The following KAZN variants were observed in gnomAD, a reference collection of about 807,000 sequenced individuals.
KAZN encodes the protein kazrin.
KAZN carries 40 observed loss-of-function variants against 87.4 expected under a neutral mutation model. The ratio of observed to expected loss-of-function variants is 0.46; its 90% CI spans 0.36 to 0.60. KAZN has a LOEUF of 0.60. Among genes scored for constraint, KAZN ranks in the 20% least tolerant of loss-of-function variants. The pLI is 0.00. For synonymous variants in KAZN, 466 were observed against 458.3 expected (o/e 1.02, Z -0.22); for missense variants, 898 against 1,073.9 (o/e 0.84, Z 2.29).
chr1:14,013,619 G>A (rs1007382311), intron 1 of KAZN, among the ~76,000 whole-genome samples: 2 of 152,160 alleles, frequency 1.3e-5, no homozygotes, highest in Non-Finnish European at 2.9e-5. Flanking sequence ...GGGTTCGATG[G>A]AAAATAACCT....
At chr1:14,595,201 T>C (rs1676416620), upstream of KAZN, among the ~76,000 whole-genome samples, 1 of 152,076 alleles carries the variant, frequency 6.6e-6, no homozygotes, top group African/African-American at 2.4e-5. Context: ...CTTTGTAGTC[T>C]TTCAGTTACC....
intron 1 of KAZN, among the ~76,000 whole-genome samples, chr1:14,715,940 G>A (rs1408514269): frequency 6.6e-6 from 1 of 152,184 alleles, no homozygotes; most frequent in Non-Finnish European, 1.5e-5. Context: ...GTGTTTCTAA[G>A]GATGGGGGTG....
chr1:14,203,519 AG>A (rs1469007361), intron 2 of KAZN, among the ~76,000 whole-genome samples: 2 of 152,218 alleles, frequency 1.3e-5, no homozygotes, highest in Non-Finnish European at 2.9e-5. Flanking sequence ...TATGTTTGAA[AG>A]TTTAAGAAAT....
chr1:14,384,788 G>A (rs947082510), intron 2 of KAZN, among the ~76,000 whole-genome samples: 8 of 151,636 alleles, frequency 5.3e-5, no homozygotes, highest in African/African-American at 1.7e-4. Flanking sequence ...TTTTTTGGTT[G>A]TGTCTCTGCC....
chr1:14,815,753 G>T (rs563981073), intron 1 of KAZN, among the ~76,000 whole-genome samples: 1 of 152,242 alleles, frequency 6.6e-6, no homozygotes, highest in East Asian at 1.9e-4. Flanking sequence ...GCCACCCAGG[G>T]CCACTGAATT....
chr1:14,844,975 A>AGATG (rs1209996849), intron 1 of KAZN, among the ~76,000 whole-genome samples: 2 of 149,694 alleles, frequency 1.3e-5, no homozygotes, highest in African/African-American at 2.5e-5. Flanking sequence ...ATGGATGGGT[A>AGATG]GATGGATGGA....
At chr1:14,342,850 T>A (rs1375600138) in intron 2 of KAZN, among the ~76,000 whole-genome samples, 1 of 152,106 alleles carries the variant, frequency 6.6e-6, no homozygotes, top group Non-Finnish European at 1.5e-5. Flanking sequence ...ATTAAACTCT[T>A]GTATGTAGTG....
chr1:14,997,665 T>C (rs1168606539), intron 2 of KAZN, among the ~76,000 whole-genome samples: 1 of 152,172 alleles, frequency 6.6e-6, no homozygotes, highest in African/African-American at 2.4e-5. Context: ...AGTAAATCCA[T>C]GCGGAAAGCC....
chr1:14,205,969 T>C (rs1436198508), intron 2 of KAZN, among the ~76,000 whole-genome samples: 1 of 145,074 alleles, frequency 6.9e-6, no homozygotes, highest in East Asian at 2.1e-4. Flanking sequence ...CATGTATACA[T>C]ATGTAAGAAG....
chr1:13,954,755 A>T (rs2101006412), intron 1 of KAZN, among the ~76,000 whole-genome samples: 1 of 152,316 alleles, frequency 6.6e-6, no homozygotes, highest in South Asian at 2.1e-4. Context: ...CCCATAATTT[A>T]TCCCTGTAAT....
intron 1 of KAZN, among the ~76,000 whole-genome samples, chr1:14,770,491 G>A (rs1447975528): frequency 6.6e-6 from 1 of 152,102 alleles, no homozygotes; most frequent in Non-Finnish European, 1.5e-5. Flanking sequence ...GTAAGGAGGT[G>A]ATACTATTTG....
At chr1:14,376,441 T>A (rs1487453313) in intron 2 of KAZN, among the ~76,000 whole-genome samples, 1 of 152,110 alleles carries the variant, frequency 6.6e-6, no homozygotes, top group Non-Finnish European at 1.5e-5. Context: ...GGGTTCCTGA[T>A]AAAAAGGATG....
intron 1 of KAZN, among the ~76,000 whole-genome samples, chr1:14,066,739 C>T (rs1643024187): frequency 6.6e-6 from 1 of 152,150 alleles, no homozygotes; most frequent in Admixed American, 6.5e-5. Flanking sequence ...TGACTCTTCC[C>T]CATAACCTCC....
At chr1:14,496,613 G>A (rs928292559) in intron 2 of KAZN, among the ~76,000 whole-genome samples, 5 of 152,060 alleles carry the variant, frequency 3.3e-5, no homozygotes, top group Non-Finnish European at 7.4e-5. Context: ...TGATAGATGA[G>A]GAACAGTGAC....
intron 1 of KAZN, among the ~76,000 whole-genome samples, chr1:14,666,261 G>C (rs1231625441): frequency 6.6e-6 from 1 of 151,984 alleles, no homozygotes; most frequent in Non-Finnish European, 1.5e-5. Flanking sequence ...TGGTCTTGTT[G>C]GGTGAGTCGG....
At chr1:14,422,724 C>A (rs144652597) in intron 2 of KAZN, among the ~76,000 whole-genome samples, 2 of 152,366 alleles carry the variant, frequency 1.3e-5, no homozygotes, top group East Asian at 3.9e-4. Flanking sequence ...TGGTAAACTT[C>A]TCTTTTGTGG....
intron 2 of KAZN, chr1:14,390,631 C>T (rs1366065418): frequency 6.6e-6 from 1 of 152,380 alleles, no homozygotes; most frequent in Non-Finnish European, 1.5e-5. Context: ...GTGTCTTAGT[C>T]CACCTGTGCT....
At chr1:14,325,827 T>C (rs181917718) in intron 2 of KAZN, among the ~76,000 whole-genome samples, 50 of 152,342 alleles carry the variant, frequency 3.3e-4, no homozygotes, top group African/African-American at 1.1e-3. Flanking sequence ...AACACTTTCA[T>C]CACGTGGCTT....
chr1:14,153,510 C>A (rs1317154480), intron 1 of KAZN, among the ~76,000 whole-genome samples: 2 of 152,124 alleles, frequency 1.3e-5, no homozygotes, highest in Non-Finnish European at 2.9e-5. Flanking sequence ...TGCAGTGGCT[C>A]ACGCCTGTAA....
Sources: gnomAD v4.1 joint callset for allele counts (sites outside exome capture counted in the v4.1 genomes callset) on GRCh38, gnomAD v4.1.1 for gene constraint, MANE v1.5 for transcripts, NCBI Gene and HGNC (gene_info 2026-07-23, HGNC 2026-07-21) for gene names.